CD101: variants seen among roughly 807,000 people sequenced by gnomAD.
CD101 encodes the protein CD101 molecule.
A neutral mutation model predicts 98.2 loss-of-function variants in CD101; 76 were observed. The observed-to-expected ratio is 0.77, with a 90% CI of 0.64 to 0.94. CD101 has a LOEUF of 0.94. Among genes scored for constraint, CD101 ranks in the 40% least tolerant of loss-of-function variants. The pLI is 0.00. For synonymous variants in CD101, 471 were observed against 472.7 expected (o/e 1.00, Z 0.05); for missense variants, 1,145 against 1,218.8 (o/e 0.94, Z 0.90).
Position 117,023,786 on chromosome 1 carries a change from G to A in CD101, c.2429-1723G>A, listed in dbSNP as rs1261668190. Among the ~76,000 whole-genome samples, 6 of 152,030 alleles carry A rather than the reference G, an allele frequency of 3.9e-5. No homozygotes were observed. In the South Asian group the frequency reaches 8.3e-4, roughly 21 times the overall value. The stretch of plus-strand genomic sequence containing the variant: ...GGGCTTGGTGTGGCTGTGGACTTCC[G>A]GTTGTGCACGTCATTTAGGGAACAA... On this transcript the variant is annotated intron_variant, in intron 7 of 9. Coordinates refer to ENST00000682167, the MANE Select transcript of CD101 (RefSeq NM_001256106.3). This position sits in a 1 kb window ranked among gnomAD's most constrained non-coding sequence, Gnocchi z 4.4.
chr1:117,016,202 T>TA (rs1167369251), intron 4 of CD101, among the ~76,000 whole-genome samples: 2,104 of 147,500 alleles, frequency 0.014, 22 homozygotes, highest in South Asian at 0.024. Flanking sequence ...ATATATATAT[T>TA]TATTTATATA....
chr1:117,007,299 G>C (rs1318650111), intron 1 of CD101, among the ~76,000 whole-genome samples: 1 of 151,580 alleles, frequency 6.6e-6, no homozygotes, highest in African/African-American at 2.4e-5. Flanking sequence ...TGCCCCATCA[G>C]ATCACAAACA....
chr1:117,018,408 G>T lies in CD101; in HGVS notation c.1865G>T (p.Arg622Leu). ...KKTKVSQSLF[R>L]SQLLVHDATE... is the part of the protein sequence containing the mutation. ...ACGAAAGTGTCGCAGTCTTTATTTC[G>T]TTCACAACTCCTAGTCCATGATGCC... is the stretch of plus-strand genomic sequence containing the variant. The change falls in exon 6 of 10, where the codon CGT becomes CTT. Residue 622 changes from arginine to leucine, a missense_variant. Transcript: ENST00000682167. The surrounding 1 kb of genome is among the most constrained non-coding windows in gnomAD (Gnocchi z 4.3). The T allele has an allele frequency of 6.2e-7, 1 of 1,614,082 alleles. No homozygotes were observed. Among genetic ancestry groups the T allele is most frequent in the Non-Finnish European group, 8.5e-7 (1 of 1,180,026 alleles).
In CD101 at chr1:117,017,301, C is replaced by T. The variant is rs1653291942; in HGVS notation, c.1440C>T (p.Tyr480=). ...QLGASYGVPS[Y]HGNTRLEKMD... Reference sequence around the variant, plus strand: ...GTGCCTCCTATGGGGTACCCAGTTACCATGGCAACACAAGGCTGGAGAAAA... The same window carrying T: ...GTGCCTCCTATGGGGTACCCAGTTATCATGGCAACACAAGGCTGGAGAAAA... Residue 480 remains tyrosine (Y), a synonymous_variant, in exon 5 of 10, where the codon TAC becomes TAT. Transcript: ENST00000682167. The T allele has an allele frequency of 6.2e-7, 1 of 1,614,248 alleles. No homozygotes were observed. Among genetic ancestry groups the T allele is most frequent in the East Asian group, 2.2e-5 (1 of 44,894 alleles).
chr1:117,011,761 G>A lies in CD101; in HGVS notation c.636G>A (p.Leu212=), dbSNP rs771243221. 2 of 1,614,100 alleles carry A rather than the reference G, an allele frequency of 1.2e-6. No homozygotes were observed. The highest frequency in any genetic ancestry group is 1.7e-6 in the Non-Finnish European group (2 of 1,180,016). ...SKDFILVPGP[L]YTERFAASDV... is the part of the protein sequence containing the mutation. Reference sequence around the variant, plus strand: ...ATTTTATATTGGTCCCTGGGCCCTTGTATACAGAGCGGTTTGCAGCCAGTG... The same window carrying A: ...ATTTTATATTGGTCCCTGGGCCCTTATATACAGAGCGGTTTGCAGCCAGTG... Residue 212 remains leucine (L), a synonymous_variant, in exon 3 of 10, where the codon TTG becomes TTA. Coordinates refer to ENST00000682167, the MANE Select transcript of CD101 (RefSeq NM_001256106.3).
At position 117,021,595 on chromosome 1, in the gene CD101, A is replaced by G; in HGVS notation, c.2040A>G (p.Ser680=). The G allele has an allele frequency of 6.3e-7, 1 of 1,579,600 alleles. No individual in the cohort carries two copies. The highest frequency in any genetic ancestry group is 8.6e-7 in the Non-Finnish European group (1 of 1,167,820). The change falls in exon 7 of 10, where the codon TCA becomes TCG. Residue 680 remains serine, a synonymous_variant. Transcript: ENST00000682167. The surrounding 1 kb of genome is among the most constrained non-coding windows in gnomAD (Gnocchi z 4.7). The part of the protein sequence containing the change: ...TLPESKLKVN[S]RSQVQELSIN... Reference sequence around the variant, plus strand: ...TAGAGAGCAAGCTAAAAGTGAATTCAAGGAGTCAAGTCCAAGAGCTCTCCA... The same window carrying G: ...TAGAGAGCAAGCTAAAAGTGAATTCGAGGAGTCAAGTCCAAGAGCTCTCCA...
At chr1:117,007,002 A>G (rs974537306) in intron 1 of CD101, among the ~76,000 whole-genome samples, 2 of 152,224 alleles carry the variant, frequency 1.3e-5, no homozygotes, top group African/African-American at 4.8e-5. Context: ...GAAACGTTCG[A>G]GAAGTGTTGC....
chr1:117,013,912 A>G (rs1653049086), intron 4 of CD101, 120 bp downstream of exon 4: 4 of 1,186,346 alleles, frequency 3.4e-6, no homozygotes, highest in Non-Finnish European at 3.5e-6. Flanking sequence ...ATCAGATCAC[A>G]TTGGAGGTGG....
At chr1:117,014,364 T>G (rs1427859005) in intron 4 of CD101, among the ~76,000 whole-genome samples, 1 of 152,092 alleles carries the variant, frequency 6.6e-6, no homozygotes, top group Non-Finnish European at 1.5e-5. Flanking sequence ...GTTGACCTGG[T>G]GTGGGAAATA....
At position 117,021,893 on chromosome 1, in the gene CD101, G is replaced by A. The variant is rs755556957; in HGVS notation, c.2338G>A (p.Val780Met). The A allele has an allele frequency of 3.1e-6, 5 of 1,614,090 alleles. No homozygotes were observed. In the South Asian group the frequency reaches 4.4e-5, roughly 14 times the overall value. Residue 780 changes from valine to methionine, a missense_variant, in exon 7 of 10, where the codon GTG becomes ATG. By Grantham distance (21) the Val-to-Met change is conservative. Transcript: ENST00000682167. The surrounding 1 kb of genome is among the most constrained non-coding windows in gnomAD (Gnocchi z 4.7). The stretch of plus-strand genomic sequence containing the variant: ...CGATCGGGGCAAATATCACTGTGCT[G>A]TGGAGGAATGGCTCCTGTCTACAAA... The part of the protein sequence containing the change: ...DSDRGKYHCA[V>M]EEWLLSTNGT...
rs375022404 is a variant in CD101 at position 117,017,437 on chromosome 1, T to C, written c.1576T>C (p.Trp526Arg). The C allele has an allele frequency of 1.1e-4, 172 of 1,613,276 alleles. No homozygotes were observed. The highest frequency in any genetic ancestry group is 1.4e-4 in the Non-Finnish European group (165 of 1,179,388). The part of the protein sequence containing the change: ...KSRNQARDLS[W>R]TQKISVTVKS... ...TCGGAACCAGGCCAGAGATCTGAGCTGGACTCAGAAGATTTCAGTTACTGT... is the reference window on the plus strand; with the variant it reads ...TCGGAACCAGGCCAGAGATCTGAGCCGGACTCAGAAGATTTCAGTTACTGT... Residue 526 changes from tryptophan (W) to arginine (R), a missense_variant, in exon 5 of 10, where the codon TGG becomes CGG. Coordinates refer to ENST00000682167, the MANE Select transcript of CD101 (RefSeq NM_001256106.3).
chr1:117,011,835 A>G lies in CD101; in HGVS notation c.710A>G (p.Glu237Gly). 1.2e-6 allele frequency: 2 copies of G among 1,614,158 alleles called. No homozygotes were observed. Among genetic ancestry groups the G allele is most frequent in the South Asian group, 2.2e-5 (2 of 91,082 alleles). Residue 237 changes from glutamate to glycine, a missense_variant, in exon 3 of 10, where the codon GAG (glutamate) becomes GGG (glycine). Transcript: ENST00000682167. ...CCCACTACATTCAGGCTGTCCATAG[A>G]GAGGCTCCAGTCCTCAGATCAGGGT... is the stretch of plus-strand genomic sequence containing the variant. ...LGPTTFRLSI[E>G]RLQSSDQGQL...
At chr1:117,035,087 C>G (rs947940143) in intron 9 of CD101, among the ~76,000 whole-genome samples, 2 of 151,986 alleles carry the variant, frequency 1.3e-5, no homozygotes, top group African/African-American at 4.8e-5. Flanking sequence ...AAAAAGCAGC[C>G]GGTGGGGGTG....
chr1:117,014,132 T>G (rs1449259776), intron 4 of CD101, among the ~76,000 whole-genome samples: 2 of 151,996 alleles, frequency 1.3e-5, no homozygotes, highest in Admixed American at 1.3e-4. Flanking sequence ...AATTTTTATG[T>G]ATTAGATATT....
At chr1:117,011,242 AGT>A (rs1287245224) in intron 2 of CD101, among the ~76,000 whole-genome samples, 1 of 152,202 alleles carries the variant, frequency 6.6e-6, no homozygotes, top group Non-Finnish European at 1.5e-5. Flanking sequence ...TCTCTGTCCC[AGT>A]GCTTTCTCCC....
At position 117,011,945 on chromosome 1, in the gene CD101, ACT is replaced by A; in HGVS notation, c.823_824del (p.Leu275GlufsTer16). On this transcript the variant is annotated frameshift_variant, in exon 3 of 10. Coordinates refer to ENST00000682167, the MANE Select transcript of CD101 (RefSeq NM_001256106.3). LOFTEE classifies it high-confidence loss of function. ...FITKKQTDQTTLRIQPAVKDF... is the reference protein window; with the variant it reads ...FITKKQTDQTXLRIQPAVKDF... ...CACCAAAAAGCAGACCGATCAAACC[ACT>A]CTGAGGATCCAGCCAGCAGGTAATT... 1 of 1,611,590 alleles carries A rather than the reference ACT, an allele frequency of 6.2e-7. No individual in the cohort carries two copies. Among genetic ancestry groups the A allele is most frequent in the Non-Finnish European group, 8.5e-7 (1 of 1,178,246 alleles).
At chr1:117,002,297 T>C (rs544907491) in intron 1 of CD101, among the ~76,000 whole-genome samples, 3 of 152,330 alleles carry the variant, frequency 2.0e-5, no homozygotes, top group East Asian at 3.9e-4. Flanking sequence ...ATGAAAGTAC[T>C]TAGTAGTTTT....
At position 117,009,816 on chromosome 1, in the gene CD101, C is replaced by T. The variant is rs200947837; in HGVS notation, c.44-34C>T. The stretch of plus-strand genomic sequence containing the variant: ...ACACTGGGAACTGGAACACTAATCT[C>T]TTTTTATTCCCCTTTCTTTCTCCTA... On this transcript the variant is annotated intron_variant, in intron 1 of 9. Coordinates refer to ENST00000682167, the MANE Select transcript of CD101 (RefSeq NM_001256106.3). 4 of 1,559,272 alleles carry T rather than the reference C, an allele frequency of 2.6e-6. No homozygotes were observed. The Admixed American group carries it at 5.4e-5, about 21-fold the overall frequency.
At chr1:117,003,547 G>A (rs559149516) in intron 1 of CD101, among the ~76,000 whole-genome samples, 18 of 152,316 alleles carry the variant, frequency 1.2e-4, no homozygotes, top group Non-Finnish European at 2.2e-4. Flanking sequence ...TGATTCTCAA[G>A]TGTATGTGCT....
Sources: gnomAD v4.1 joint callset for allele counts (sites outside exome capture counted in the v4.1 genomes callset) on GRCh38, gnomAD v4.1.1 for gene constraint, Gnocchi (gnomAD v3.1) non-coding constraint, MANE v1.5 for transcripts, NCBI Gene and HGNC (gene_info 2026-07-23, HGNC 2026-07-21) for gene names.